Variants in RASAL2 observed in about 807,000 individuals in gnomAD.
The protein encoded by RASAL2 is RAS protein activator like 2, also known as ras GTPase-activating protein nGAP.
A neutral mutation model predicts 128.9 loss-of-function variants in RASAL2; 58 were observed. That is an observed-to-expected ratio of 0.45 (90% CI 0.36 to 0.56). RASAL2 has a LOEUF of 0.56. Among genes scored for constraint, RASAL2 ranks in the 20% least tolerant of loss-of-function variants. The pLI is 0.00. For synonymous variants in RASAL2, 561 were observed against 580.8 expected, an observed-to-expected ratio of 0.97 and a Z score of 0.49; for missense variants, 1,360 against 1,601.6, an observed-to-expected ratio of 0.85 and a Z score of 2.57.
chr1:178,104,300 T>C (rs914470794), intron 1 of RASAL2, among the ~76,000 whole-genome samples: 2 of 152,178 alleles, frequency 1.3e-5, no homozygotes, highest in African/African-American at 4.8e-5. Flanking sequence ...TTTTGGGTTA[T>C]TTCAAGATTT....
chr1:178,189,309 G>C (rs930238947), intron 1 of RASAL2, among the ~76,000 whole-genome samples: 3 of 152,042 alleles, frequency 2.0e-5, no homozygotes, highest in Non-Finnish European at 4.4e-5. Context: ...ACATTAGTGG[G>C]GTCCATTTGT....
intron 1 of RASAL2, among the ~76,000 whole-genome samples, chr1:178,273,239 G>T (rs923394516): frequency 7.9e-5 from 12 of 152,210 alleles, no homozygotes; most frequent in African/African-American, 2.9e-4. Context: ...TTGAAGAAAA[G>T]ATATGTGATA....
intron 1 of RASAL2, among the ~76,000 whole-genome samples, chr1:178,166,954 T>A (rs1661537920): frequency 6.6e-6 from 1 of 152,144 alleles, no homozygotes; most frequent in African/African-American, 2.4e-5. Flanking sequence ...GAGTCATTTT[T>A]AAGTTAACTT....
At chr1:178,446,431 TAAA>T (rs1677001444) in intron 9 of RASAL2, among the ~76,000 whole-genome samples, 1 of 152,232 alleles carries the variant, frequency 6.6e-6, no homozygotes, top group African/African-American at 2.4e-5. Context: ...GTCACAGTAT[TAAA>T]AAGGATGAAG....
At chr1:178,199,483 A>C (rs1662789179) in intron 1 of RASAL2, among the ~76,000 whole-genome samples, 1 of 152,256 alleles carries the variant, frequency 6.6e-6, no homozygotes, top group Non-Finnish European at 1.5e-5. Flanking sequence ...AGAGACATAT[A>C]TAAAAAAGTT....
intron 3 of RASAL2, among the ~76,000 whole-genome samples, chr1:178,304,267 T>C (rs1038772749): frequency 2.0e-5 from 3 of 152,110 alleles, no homozygotes; most frequent in African/African-American, 7.2e-5. Flanking sequence ...CTCACACCTA[T>C]AATCCCAGCA....
At chr1:178,354,898 C>G (rs1670718479) in intron 3 of RASAL2, among the ~76,000 whole-genome samples, 1 of 152,124 alleles carries the variant, frequency 6.6e-6, no homozygotes, top group Non-Finnish European at 1.5e-5. Flanking sequence ...TTTATAGATT[C>G]AATGTAATTC....
At chr1:178,399,814 C>T (rs1673497329) in intron 4 of RASAL2, among the ~76,000 whole-genome samples, 1 of 152,140 alleles carries the variant, frequency 6.6e-6, no homozygotes, top group African/African-American at 2.4e-5. Context: ...CTGTCTAGTG[C>T]AGTAGAGATT....
intron 3 of RASAL2, chr1:178,372,134 C>T (rs1470590617): frequency 1.0e-6 from 1 of 980,588 alleles, no homozygotes; most frequent in Middle Eastern, 5.3e-4. Context: ...ACTGCCTAGC[C>T]AGCAATTTAA....
intron 1 of RASAL2, among the ~76,000 whole-genome samples, chr1:178,204,011 G>C (rs561445717): frequency 6.6e-4 from 100 of 152,334 alleles, no homozygotes; most frequent in Non-Finnish European, 1.1e-3. Flanking sequence ...AGGGAATACA[G>C]AATTGGTAGT....
In RASAL2 at chr1:178,301,474, C is replaced by T. The variant is rs111826162; in HGVS notation, c.457+1356C>T. ...CTGAGACAGAGACTTGCTGTGTTGC[C>T]CAGGCTGGAGTGCAATGGCGTGATC... On this transcript the variant is annotated intron_variant, in intron 3 of 17. Coordinates refer to ENST00000367649, the MANE Select transcript of RASAL2 (RefSeq NM_170692.4). Among the ~76,000 whole-genome samples the T allele has an allele frequency of 1.0e-2, 1,513 of 151,858 alleles. 21 individuals are homozygous for T. Among genetic ancestry groups the T allele is most frequent in the African/African-American group, 0.034 (1,418 of 41,398 alleles).
chr1:178,468,696 G>A (rs1368854995), intron 17 of RASAL2, among the ~76,000 whole-genome samples: 1 of 152,186 alleles, frequency 6.6e-6, no homozygotes, highest in East Asian at 1.9e-4. Flanking sequence ...AGAAAGGTCT[G>A]TAGTAATTAT....
intron 2 of RASAL2, among the ~76,000 whole-genome samples, chr1:178,293,031 G>T (rs1213964341): frequency 6.6e-6 from 1 of 151,980 alleles, no homozygotes; most frequent in Admixed American, 6.6e-5. Context: ...AAAATTAACT[G>T]GTATTTATTC....
intron 3 of RASAL2, among the ~76,000 whole-genome samples, chr1:178,345,107 T>C (rs1670081923): frequency 6.6e-6 from 1 of 152,184 alleles, no homozygotes; most frequent in South Asian, 2.1e-4. Context: ...GTCATTAAGC[T>C]GAATTGGAAA....
chr1:178,136,395 T>A (rs779417173), intron 1 of RASAL2, among the ~76,000 whole-genome samples: 1 of 152,152 alleles, frequency 6.6e-6, no homozygotes, highest in Non-Finnish European at 1.5e-5. Context: ...ATCTAAGGTT[T>A]CTTGTGAAGA....
chr1:178,195,644 A>G (rs1280634420), intron 1 of RASAL2, among the ~76,000 whole-genome samples: 3 of 152,198 alleles, frequency 2.0e-5, no homozygotes, highest in Non-Finnish European at 4.4e-5. Flanking sequence ...AATGGTAGAT[A>G]TTATTTTCCT....
intron 3 of RASAL2, among the ~76,000 whole-genome samples, chr1:178,304,589 A>G (rs192502601): frequency 6.6e-6 from 1 of 152,278 alleles, no homozygotes; most frequent in Non-Finnish European, 1.5e-5. Context: ...TAAGTTTAGG[A>G]ACTGTAGTTT....
chr1:178,337,623 G>A (rs1191497027), intron 3 of RASAL2, among the ~76,000 whole-genome samples: 2 of 152,152 alleles, frequency 1.3e-5, no homozygotes, highest in Non-Finnish European at 1.5e-5. Flanking sequence ...TATAACCTCA[G>A]TTGGTTTGCT....
At chr1:178,462,519 C>CA (rs1041857981) in intron 14 of RASAL2, among the ~76,000 whole-genome samples, 8 of 151,924 alleles carry the variant, frequency 5.3e-5, no homozygotes, top group African/African-American at 1.2e-4. Context: ...CATACTACAA[C>CA]AAAAAAATTC....
Sources: gnomAD v4.1 joint callset for allele counts (sites outside exome capture counted in the v4.1 genomes callset) on GRCh38, gnomAD v4.1.1 for gene constraint, MANE v1.5 for transcripts, NCBI Gene and HGNC (gene_info 2026-07-23, HGNC 2026-07-21) for gene names.